Variants in SEC14L1 observed in about 807,000 individuals in gnomAD.
The protein encoded by SEC14L1 is SEC14-like protein 1.
Under a neutral mutation model 85.3 loss-of-function variants are expected in SEC14L1, and 48 were observed. The ratio of observed to expected loss-of-function variants is 0.56; its 90% CI spans 0.45 to 0.72. The LOEUF is 0.72. Ranked by LOEUF, SEC14L1 falls within the 30% of genes least tolerant of loss-of-function variation. The pLI is 0.00. For missense variants in SEC14L1, 682 were observed against 921.4 expected (o/e 0.74, Z 3.36); for synonymous variants, 391 against 355.5 (o/e 1.10, Z -1.12).
rs565049186 is a variant in SEC14L1 at position 77,213,386 on chromosome 17, G to A, written c.1936G>A (p.Ala646Thr). Reference protein sequence around the residue: ...WKFHSMPACAASSLPRVDDVL... With the variant: ...WKFHSMPACATSSLPRVDDVL... ...ATTCCACAGCATGCCTGCGTGCGCC[G>A]CCAGCAGCCTTCCCCGGGTGGACGA... is the stretch of plus-strand genomic sequence containing the variant. Residue 646 changes from alanine (A) to threonine (T), a missense_variant, in exon 16 of 17, where the codon GCC becomes ACC. Coordinates refer to ENST00000436233, the MANE Select transcript of SEC14L1 (RefSeq NM_001143998.2). This position sits in a 1 kb window ranked among gnomAD's most constrained non-coding sequence, Gnocchi z 7.1. 5.0e-6 allele frequency: 8 copies of A among 1,613,406 alleles called. No homozygotes were observed. The highest frequency in any genetic ancestry group is 2.7e-5 in the African/African-American group (2 of 75,062).
At chr17:77,211,783 G>A (rs1976762880) in intron 14 of SEC14L1, 167 bp from the exon 15 acceptor site, 1 of 839,508 alleles carries the variant, frequency 1.2e-6, no homozygotes, top group African/African-American at 1.7e-5. Context: ...CGGTTGAATG[G>A]ATGGTGGTGT....
chr17:77,203,374 G>A (rs144283743), intron 9 of SEC14L1, among the ~76,000 whole-genome samples, 196 bp from the exon 10 acceptor site: 470 of 152,160 alleles, frequency 3.1e-3, no homozygotes, highest in African/African-American at 0.011. Context: ...TATTTTTCTC[G>A]CTTACAGCTT....
intron 3 of SEC14L1, among the ~76,000 whole-genome samples, chr17:77,168,864 T>C (rs886797729): frequency 1.3e-5 from 2 of 152,220 alleles, no homozygotes; most frequent in Non-Finnish European, 1.5e-5. Flanking sequence ...CATTTTTGTT[T>C]ATAGTTGACC....
chr17:77,178,502 A>G (rs1172178894), intron 3 of SEC14L1, among the ~76,000 whole-genome samples: 2 of 152,192 alleles, frequency 1.3e-5, no homozygotes, highest in African/African-American at 4.8e-5. Context: ...CTGCTAATAA[A>G]GTCATGTGAA....
At chr17:77,106,649 A>G (rs1407670250) in intron 3 of SEC14L1, among the ~76,000 whole-genome samples, 2 of 152,022 alleles carry the variant, frequency 1.3e-5, no homozygotes, top group African/African-American at 4.8e-5. Context: ...TGGGCAACAC[A>G]GCGAGACTCC....
chr17:77,160,984 A>G (rs1310814373), intron 3 of SEC14L1, among the ~76,000 whole-genome samples: 1 of 152,186 alleles, frequency 6.6e-6, no homozygotes, highest in Non-Finnish European at 1.5e-5. Context: ...GAGTAAAACG[A>G]TGGGAGTAGT....
At chr17:77,207,469 T>C (rs999481360) in intron 13 of SEC14L1, among the ~76,000 whole-genome samples, 6 of 151,020 alleles carry the variant, frequency 4.0e-5, no homozygotes, top group African/African-American at 1.5e-4. Context: ...TTTTTCTTCT[T>C]GAGATGGAGT....
chr17:77,190,601 G>A (rs955082743), intron 3 of SEC14L1, among the ~76,000 whole-genome samples: 6 of 152,184 alleles, frequency 3.9e-5, no homozygotes, highest in Non-Finnish European at 2.9e-5. Flanking sequence ...GGAGAATTGA[G>A]ATCTTTACTA....
rs1975497051 is a variant in SEC14L1 at position 77,190,925 on chromosome 17, T to C, written c.186T>C (p.Asp62=). The C allele has an allele frequency of 1.9e-6, 3 of 1,614,016 alleles. No homozygotes were observed. Among genetic ancestry groups the C allele is most frequent in the Middle Eastern group, 1.6e-4 (1 of 6,084 alleles). ...TCATTGAAAGGCGCTGCAAGCTGGATGTAGATGCACCCAGACTGCTGAAGA... is the reference window on the plus strand; with the variant it reads ...TCATTGAAAGGCGCTGCAAGCTGGACGTAGATGCACCCAGACTGCTGAAGA... ...IHVIERRCKL[D]VDAPRLLKKI... Residue 62 remains aspartate (D), a synonymous_variant, in exon 4 of 17, where the codon GAT becomes GAC. Transcript: ENST00000436233.
intron 8 of SEC14L1, among the ~76,000 whole-genome samples, chr17:77,198,086 C>G (rs1975907522): frequency 6.6e-6 from 1 of 152,184 alleles, no homozygotes; most frequent in Non-Finnish European, 1.5e-5. Context: ...TGATATTACA[C>G]ATAAACTACA....
intron 3 of SEC14L1, among the ~76,000 whole-genome samples, chr17:77,164,764 T>C (rs1180984336): frequency 6.6e-6 from 1 of 152,172 alleles, no homozygotes. Context: ...CTAGGAAAGC[T>C]GAGCTTAAAA....
chr17:77,200,679 G>T lies in SEC14L1; in HGVS notation c.1009+6G>T. 1.2e-6 allele frequency: 2 copies of T among 1,608,656 alleles called. No individual in the cohort carries two copies. Among genetic ancestry groups the T allele is most frequent in the Non-Finnish European group, 1.7e-6 (2 of 1,177,280 alleles). ...CTGGCATCATCACGACAAAGGTACC[G>T]GATGGAGTTGAAACTGTGTTTCCAT... On this transcript the variant is annotated splice_donor_region_variant and intron_variant, in intron 9 of 16. Coordinates refer to ENST00000436233, the MANE Select transcript of SEC14L1 (RefSeq NM_001143998.2).
chr17:77,179,071 C>A (rs965441432), intron 3 of SEC14L1, among the ~76,000 whole-genome samples: 3 of 152,184 alleles, frequency 2.0e-5, no homozygotes, highest in Non-Finnish European at 2.9e-5. Flanking sequence ...GAATATATAT[C>A]ATGTCTGGAA....
chr17:77,154,864 T>TA (rs1278375468), intron 3 of SEC14L1, among the ~76,000 whole-genome samples: 1 of 152,180 alleles, frequency 6.6e-6, no homozygotes, highest in African/African-American at 2.4e-5. Context: ...GCTGCGTCCT[T>TA]ACTTCTTTTC....
At chr17:77,159,271 T>C (rs1973953019) in intron 3 of SEC14L1, among the ~76,000 whole-genome samples, 1 of 151,848 alleles carries the variant, frequency 6.6e-6, no homozygotes, top group Admixed American at 6.6e-5. Flanking sequence ...TTCGCCCTCT[T>C]GGCCAGGCTG....
chr17:77,104,558 G>C (rs1333680825), intron 3 of SEC14L1, among the ~76,000 whole-genome samples: 1 of 149,722 alleles, frequency 6.7e-6, no homozygotes. Flanking sequence ...TTGGGAGGCC[G>C]AGGAGGGTGG....
At chr17:77,191,963 A>AT (rs2143800365) in intron 5 of SEC14L1, among the ~76,000 whole-genome samples, 1 of 150,886 alleles carries the variant, frequency 6.6e-6, no homozygotes, top group African/African-American at 2.4e-5. Flanking sequence ...CGCCCGGCTA[A>AT]TTTTTGTATT....
At position 77,216,918 on chromosome 17, in the gene SEC14L1, TA is replaced by T. The variant is rs1241089049; in HGVS notation, c.*2897del. The T allele has an allele frequency of 1.3e-5, 3 of 227,520 alleles. No individual in the cohort carries two copies. The highest frequency in any genetic ancestry group is 5.1e-5 in the Admixed American group (1 of 19,466). The allele number at this position is 227,520 out of a possible 1,614,324, so 14.1% of individuals were successfully genotyped here. Reference sequence around the variant, plus strand: ...GCTGTCATTTCCCATTTCTTAGTACTAATGATTCTTTGATTCTCCCTCTATT... The same window carrying T: ...GCTGTCATTTCCCATTTCTTAGTACTATGATTCTTTGATTCTCCCTCTATT... On this transcript the variant is annotated 3_prime_UTR_variant, in exon 17 of 17. Transcript: ENST00000436233.
chr17:77,144,957 G>C (rs1341108071), intron 3 of SEC14L1: 1 of 151,864 alleles, frequency 6.6e-6, no homozygotes, highest in Non-Finnish European at 1.5e-5. Context: ...TCTCGTCCAG[G>C]CTGGAGTGCA....
Sources: allele counts gnomAD v4.1 joint callset (sites outside exome capture counted in the v4.1 genomes callset), GRCh38; gene constraint gnomAD v4.1.1; non-coding constraint Gnocchi (gnomAD v3.1); transcripts MANE v1.5; gene names NCBI Gene and HGNC (gene_info 2026-07-23, HGNC 2026-07-21).